KIAA1328: variants seen among roughly 807,000 people sequenced by gnomAD.
KIAA1328 encodes the protein KIAA1328, also known as protein hinderin.
KIAA1328 carries 52 observed loss-of-function variants against 68.1 expected under a neutral mutation model. That is an observed-to-expected ratio of 0.76 (90% CI 0.61 to 0.96). The LOEUF (loss-of-function observed/expected upper bound fraction) is 0.96. KIAA1328 is among the 40% of genes least tolerant of loss of function. The pLI, the probability that KIAA1328 is intolerant of heterozygous loss-of-function variation, is 0.00. For missense variants in KIAA1328, 641 were observed against 677.6 expected, an observed-to-expected ratio of 0.95 and a Z score of 0.60; for synonymous variants, 232 against 239.4, an observed-to-expected ratio of 0.97 and a Z score of 0.28.
intron 6 of KIAA1328, among the ~76,000 whole-genome samples, chr18:37,060,024 G>A (rs1268089522): frequency 6.6e-6 from 1 of 152,000 alleles, no homozygotes; most frequent in Non-Finnish European, 1.5e-5. Flanking sequence ...GGGGGGCTAG[G>A]GGAGGGATAG....
chr18:36,905,034 A>G (rs970366944), intron 5 of KIAA1328, among the ~76,000 whole-genome samples: 1 of 151,600 alleles, frequency 6.6e-6, no homozygotes, highest in Admixed American at 6.6e-5. Context: ...TTAATTTTAT[A>G]CCCGTATTTT....
chr18:36,867,099 C>A (rs1269398584), intron 4 of KIAA1328, among the ~76,000 whole-genome samples: 2 of 152,066 alleles, frequency 1.3e-5, no homozygotes, highest in Admixed American at 6.5e-5. Context: ...GAAATGTGAT[C>A]CCCAGCGTTG....
chr18:37,079,667 C>T (rs1331716152), intron 7 of KIAA1328, among the ~76,000 whole-genome samples: 1 of 151,724 alleles, frequency 6.6e-6, no homozygotes, highest in African/African-American at 2.4e-5. Context: ...GGTGGTGGAT[C>T]ACCTGGGATC....
chr18:36,863,805 C>T (rs2047650941), intron 4 of KIAA1328, among the ~76,000 whole-genome samples: 1 of 152,036 alleles, frequency 6.6e-6, no homozygotes, highest in African/African-American at 2.4e-5. Context: ...TTCTGCTGTT[C>T]ACATTTTTGT....
At chr18:36,854,766 A>G (rs1237262433) in intron 4 of KIAA1328, among the ~76,000 whole-genome samples, 1 of 152,180 alleles carries the variant, frequency 6.6e-6, no homozygotes, top group African/African-American at 2.4e-5. Flanking sequence ...ATCTAGTTTG[A>G]GAACATTTTC....
intron 6 of KIAA1328, among the ~76,000 whole-genome samples, chr18:37,024,511 A>T (rs1359782661): frequency 2.0e-5 from 3 of 151,642 alleles, no homozygotes; most frequent in Non-Finnish European, 4.4e-5. Context: ...ATATCTCCTA[A>T]TGCTATCCCT....
chr18:37,162,570 T>C (rs1190557408), intron 8 of KIAA1328, among the ~76,000 whole-genome samples: 1 of 152,166 alleles, frequency 6.6e-6, no homozygotes, highest in Non-Finnish European at 1.5e-5. Flanking sequence ...ATGGGAGATA[T>C]AAACTTTCCA....
At chr18:36,923,637 A>T (rs2050010546) in intron 5 of KIAA1328, 1 of 152,246 alleles carries the variant, frequency 6.6e-6, no homozygotes, top group African/African-American at 2.4e-5. Context: ...AGAAAAGAAC[A>T]TTCTAGACAG....
intron 6 of KIAA1328, among the ~76,000 whole-genome samples, chr18:37,028,046 G>A (rs1272804080): frequency 6.6e-6 from 1 of 152,116 alleles, no homozygotes; most frequent in Non-Finnish European, 1.5e-5. Flanking sequence ...AGTGGGTGAA[G>A]GATATGAACA....
chr18:36,915,784 A>G (rs1000637327), intron 5 of KIAA1328, among the ~76,000 whole-genome samples: 14 of 152,194 alleles, frequency 9.2e-5, no homozygotes, highest in African/African-American at 3.4e-4. Context: ...GCAGTTTCTT[A>G]TAAAAGTTAA....
intron 4 of KIAA1328, among the ~76,000 whole-genome samples, chr18:36,871,292 A>G (rs2047936295): frequency 6.6e-6 from 1 of 152,174 alleles, no homozygotes. Flanking sequence ...ATGGAAATTA[A>G]TTTACTTCCA....
intron 9 of KIAA1328, among the ~76,000 whole-genome samples, chr18:37,216,899 C>CTTTTTTTTTTT (rs762745405): frequency 5.1e-4 from 46 of 90,310 alleles, no homozygotes; most frequent in South Asian, 1.1e-3. Context: ...TTCTTTGTCT[C>CTTTTTTTTTTT]TTTTTTTTTT....
chr18:37,113,560 A>G (rs1049428480), intron 7 of KIAA1328, among the ~76,000 whole-genome samples: 1 of 152,220 alleles, frequency 6.6e-6, no homozygotes. Context: ...AAACATGCCA[A>G]ATTGTAAAGA....
chr18:37,062,496 C>T (rs1169243557), intron 6 of KIAA1328, among the ~76,000 whole-genome samples: 1 of 151,226 alleles, frequency 6.6e-6, no homozygotes, highest in Non-Finnish European at 1.5e-5. Context: ...TCTAGAGTCG[C>T]CCAGGCTGGA....
At chr18:36,839,025 G>T (rs1318950938) in intron 3 of KIAA1328, among the ~76,000 whole-genome samples, 2 of 152,142 alleles carry the variant, frequency 1.3e-5, no homozygotes, top group Admixed American at 1.3e-4. Context: ...GAGCCACCAT[G>T]CCCATCCTAC....
At position 36,829,215 on chromosome 18, in the gene KIAA1328, A is replaced by C; in HGVS notation, c.58+19A>C. 1 of 1,505,456 alleles carries C rather than the reference A, an allele frequency of 6.6e-7. No individual in the cohort carries two copies. The allele number at this position is 1,505,456 out of a possible 1,614,324, so 93.3% of individuals were successfully genotyped here. A position where few individuals can be genotyped will look rare whatever the true frequency, so the allele number is the denominator to read the frequency against. ...CGGGACTGTATCCTTTGCCCGCCTG[A>C]CAGGGGGCGCCGGCGCCCTCCACGG... is the stretch of plus-strand genomic sequence containing the variant. On this transcript the variant is annotated intron_variant, in intron 1 of 9. Transcript: ENST00000280020.
chr18:37,152,825 C>G (rs369924952), intron 7 of KIAA1328, among the ~76,000 whole-genome samples: 2 of 152,086 alleles, frequency 1.3e-5, no homozygotes, highest in East Asian at 3.9e-4. Flanking sequence ...CAAAAAGCAG[C>G]CCCCAAATCA....
intron 5 of KIAA1328, among the ~76,000 whole-genome samples, chr18:36,912,378 C>T (rs750312913): frequency 2.0e-5 from 3 of 152,156 alleles, no homozygotes; most frequent in Non-Finnish European, 2.9e-5. Context: ...TGTATCACTT[C>T]AACATCTAAC....
chr18:37,091,275 G>A (rs2057259518), intron 7 of KIAA1328, among the ~76,000 whole-genome samples: 1 of 152,140 alleles, frequency 6.6e-6, no homozygotes, highest in Non-Finnish European at 1.5e-5. Flanking sequence ...AAGTCACAGG[G>A]AACCTCTGAG....
Sources: gnomAD v4.1 joint callset for allele counts (sites outside exome capture counted in the v4.1 genomes callset) on GRCh38, gnomAD v4.1.1 for gene constraint, MANE v1.5 for transcripts, NCBI Gene and HGNC (gene_info 2026-07-23, HGNC 2026-07-21) for gene names.